FBXL13: variants seen among roughly 807,000 people sequenced by gnomAD.
The protein encoded by FBXL13 is F-box and leucine-rich repeat protein 13.
In FBXL13, 67 loss-of-function variants were observed where a neutral mutation model predicts 83.6. The ratio of observed to expected loss-of-function variants is 0.80; its 90% CI spans 0.66 to 0.98. The LOEUF (loss-of-function observed/expected upper bound fraction) is 0.98. FBXL13 is among the 50% of genes least tolerant of loss of function. The pLI is 0.00. For missense variants in FBXL13, 822 were observed against 866.5 expected, an observed-to-expected ratio of 0.95 and a Z score of 0.64; for synonymous variants, 272 against 299.5, an observed-to-expected ratio of 0.91 and a Z score of 0.95.
chr7:102,905,096 A>T (rs1813553711), intron 11 of FBXL13, among the ~76,000 whole-genome samples: 1 of 152,160 alleles, frequency 6.6e-6, no homozygotes, highest in Non-Finnish European at 1.5e-5. Context: ...CAGCTCTTGG[A>T]TGAAGTGTTC....
At chr7:102,888,754 C>A (rs531138780) in intron 11 of FBXL13, among the ~76,000 whole-genome samples, 1 of 151,886 alleles carries the variant, frequency 6.6e-6, no homozygotes, top group East Asian at 1.9e-4. Context: ...GCTATGAATT[C>A]TTGAGTAAAC....
At position 102,924,194 on chromosome 7, in the gene FBXL13, C is replaced by T. The variant is rs1414047676; in HGVS notation, c.878+2080G>A. Among the ~76,000 whole-genome samples, 6 of 150,230 alleles carry T rather than the reference C, an allele frequency of 4.0e-5. No homozygotes were observed. The East Asian group carries it at 7.8e-4, about 20-fold the overall frequency. On this transcript the variant is annotated intron_variant, in intron 10 of 19. Transcript: ENST00000313221. ...CGAAGGTTGCGGTGAGCTGAGATTG[C>T]GCCATTGCACTCCACCCTGGGCAAC...
downstream of FBXL13, among the ~76,000 whole-genome samples, chr7:102,812,847 T>TTC (rs1554391818): frequency 1.3e-5 from 2 of 148,722 alleles, no homozygotes; most frequent in African/African-American, 4.9e-5. Context: ...CTTCTTTTTT[T>TTC]TTTTTTTTTT....
chr7:102,902,713 C>T (rs1317424144), intron 11 of FBXL13, among the ~76,000 whole-genome samples: 1 of 152,110 alleles, frequency 6.6e-6, no homozygotes, highest in Non-Finnish European at 1.5e-5. Flanking sequence ...TCCTTGGCAC[C>T]TTTGCTGAAA....
intron 11 of FBXL13, among the ~76,000 whole-genome samples, chr7:102,896,351 C>T (rs1812248487): frequency 6.6e-6 from 1 of 152,178 alleles, no homozygotes; most frequent in African/African-American, 2.4e-5. Flanking sequence ...TTGGAATAAC[C>T]AGGCAAGAGA....
chr7:103,053,172 C>T (rs911293312), intron 2 of FBXL13, among the ~76,000 whole-genome samples: 2 of 151,488 alleles, frequency 1.3e-5, no homozygotes, highest in Admixed American at 6.6e-5. Flanking sequence ...TTTTTTGAGA[C>T]GAAGTCTTGC....
At position 102,955,610 on chromosome 7, in the gene FBXL13, A is replaced by T. The variant is rs529163625; in HGVS notation, c.724+7923T>A. On this transcript the variant is annotated intron_variant, in intron 8 of 19. Coordinates refer to ENST00000313221, the Ensembl canonical transcript of FBXL13. ...CAATGAATCCAGGAGTTTTTTTTTTAAAAAGATCAACAGAATTGACAGACT... is the reference window on the plus strand; with the variant it reads ...CAATGAATCCAGGAGTTTTTTTTTTTAAAAGATCAACAGAATTGACAGACT... Among the ~76,000 whole-genome samples the T allele has an allele frequency of 8.4e-4, 126 of 150,368 alleles. 1 individual carries two copies. The highest frequency in any genetic ancestry group is 2.6e-3 in the African/African-American group (106 of 41,380).
At chr7:102,886,601 T>C (rs1584783314) in intron 11 of FBXL13, among the ~76,000 whole-genome samples, 1 of 152,210 alleles carries the variant, frequency 6.6e-6, no homozygotes, top group Non-Finnish European at 1.5e-5. Flanking sequence ...CATTTTATGA[T>C]TGATTAGTTA....
chr7:102,904,293 T>C (rs1019702863), intron 11 of FBXL13, among the ~76,000 whole-genome samples: 4 of 152,150 alleles, frequency 2.6e-5, no homozygotes, highest in African/African-American at 9.6e-5. Flanking sequence ...TAGCTGATCA[T>C]AGCAGCCACT....
At chr7:103,049,420 T>C (rs1018612221) in intron 2 of FBXL13, among the ~76,000 whole-genome samples, 1 of 152,198 alleles carries the variant, frequency 6.6e-6, no homozygotes. Context: ...AGCATTACAG[T>C]TTTTCTTTCA....
intron 8 of FBXL13, among the ~76,000 whole-genome samples, chr7:102,954,412 C>T (rs1823920925): frequency 6.6e-6 from 1 of 152,146 alleles, no homozygotes; most frequent in Non-Finnish European, 1.5e-5. Context: ...TGGAAAGAAA[C>T]AACCGGTACC....
chr7:103,020,127 T>C (rs556700247), intron 6 of FBXL13, among the ~76,000 whole-genome samples: 1 of 152,180 alleles, frequency 6.6e-6, no homozygotes, highest in African/African-American at 2.4e-5. Context: ...TTATCCACCA[T>C]GATCAAGTGG....
rs531215415 is a variant in FBXL13, at chr7:103,048,821, T to C, written c.-1+6823A>G. ...AAACCTTTAGCTTTATTCTATTTAA[T>C]TTAAAACAATCCTTTAACCCATTAA... On this transcript the variant is annotated intron_variant, in intron 2 of 19. Coordinates refer to ENST00000313221, the Ensembl canonical transcript of FBXL13. Among the ~76,000 whole-genome samples the C allele has an allele frequency of 4.6e-5, 7 of 152,244 alleles. 1 individual carries two copies. The highest frequency in any genetic ancestry group is 1.7e-4 in the African/African-American group (7 of 41,590).
At chr7:102,851,449 T>C (rs28617293) in intron 17 of FBXL13, among the ~76,000 whole-genome samples, 54 of 47,696 alleles carry the variant, frequency 1.1e-3, no homozygotes, top group African/African-American at 4.7e-3. Context: ...CCCTCCTTCC[T>C]TCCTTCCCTC....
At chr7:102,924,428 T>C (rs1388371802) in intron 10 of FBXL13, among the ~76,000 whole-genome samples, 1 of 152,014 alleles carries the variant, frequency 6.6e-6, no homozygotes, top group Non-Finnish European at 1.5e-5. Context: ...AGCAAATGTA[T>C]ATTAAATGCC....
chr7:102,981,029 C>A (rs758116266), intron 6 of FBXL13, among the ~76,000 whole-genome samples: 57 of 152,178 alleles, frequency 3.7e-4, no homozygotes, highest in Middle Eastern at 6.8e-3. Flanking sequence ...GTTGAAATGG[C>A]CAACAAGCCT....
chr7:102,866,765 T>G (rs1466155311), intron 16 of FBXL13, among the ~76,000 whole-genome samples: 2 of 152,200 alleles, frequency 1.3e-5, no homozygotes, highest in African/African-American at 4.8e-5. Context: ...TAAAGAAGAC[T>G]TAAGTGTTTG....
At chr7:102,991,478 A>G (rs1402287876) in intron 6 of FBXL13, among the ~76,000 whole-genome samples, 1 of 152,218 alleles carries the variant, frequency 6.6e-6, no homozygotes, top group Admixed American at 6.5e-5. Flanking sequence ...GAAAAATAGA[A>G]TACTTAGCAG....
intron 2 of FBXL13, among the ~76,000 whole-genome samples, chr7:103,052,456 A>C (rs75774727): frequency 2.6e-5 from 4 of 152,292 alleles, no homozygotes; most frequent in African/African-American, 4.8e-5. Flanking sequence ...TGTAAAAAAA[A>C]AAATTTCATT....
Sources: allele counts gnomAD v4.1 joint callset (sites outside exome capture counted in the v4.1 genomes callset), GRCh38; gene constraint gnomAD v4.1.1; transcripts MANE v1.5; gene names NCBI Gene and HGNC (gene_info 2026-07-23, HGNC 2026-07-21).